Variants in MLLT3 observed in about 807,000 individuals in gnomAD.
MLLT3 encodes the protein MLLT3 super elongation complex subunit.
A neutral mutation model predicts 53.2 loss-of-function variants in MLLT3; 4 were observed. The observed-to-expected ratio is 0.08, with a 90% CI of 0.04 to 0.17. The LOEUF is 0.17. Ranked by LOEUF, MLLT3 falls within the 10% of genes least tolerant of loss-of-function variation. The probability of loss-of-function intolerance (pLI) is 1.00; values close to 1 mark genes in which losing one functional copy is unlikely to be tolerated. For missense variants in MLLT3, 569 were observed against 684.0 expected (o/e 0.83, Z 1.87); for synonymous variants, 283 against 230.6 (o/e 1.23, Z -2.06).
At chr9:20,498,384 C>T (rs1427493733) in intron 2 of MLLT3, among the ~76,000 whole-genome samples, 1 of 151,310 alleles carries the variant, frequency 6.6e-6, no homozygotes, top group Non-Finnish European at 1.5e-5. Context: ...TTCCTAATCA[C>T]TTATGATGTC....
rs1324869758 is a variant in MLLT3 at position 20,344,727 on chromosome 9, T to C, written c.*1716A>G. ...AAAGAAACAGTGTAAAAAATCCCCT[T>C]TTTAAAATGCAGAAATAACTCCATT... On this transcript the variant is annotated 3_prime_UTR_variant, in exon 11 of 11. Transcript: ENST00000380338. 4.9e-6 allele frequency: 1 copy of C among 205,916 alleles called. No individual in the cohort carries two copies. The highest frequency in any genetic ancestry group is 9.9e-6 in the Non-Finnish European group (1 of 100,728). The allele number at this position is 205,916 out of a possible 1,614,324, so 12.8% of individuals were successfully genotyped here.
At chr9:20,393,139 G>C (rs561068581) in intron 5 of MLLT3, among the ~76,000 whole-genome samples, 60 of 152,046 alleles carry the variant, frequency 3.9e-4, no homozygotes, top group African/African-American at 1.4e-3. Flanking sequence ...TGGGCAACAA[G>C]AGCAAAACTC....
intron 2 of MLLT3, among the ~76,000 whole-genome samples, chr9:20,501,178 C>A (rs371380365): frequency 2.0e-5 from 3 of 152,144 alleles, no homozygotes; most frequent in East Asian, 3.9e-4. Flanking sequence ...TGTCACAAAT[C>A]TTTATTCAAA....
intron 2 of MLLT3, among the ~76,000 whole-genome samples, chr9:20,497,799 C>G (rs1799322977): frequency 6.6e-6 from 1 of 152,090 alleles, no homozygotes; most frequent in Admixed American, 6.5e-5. Context: ...TGGATATATA[C>G]TTTCAATTCT....
intron 2 of MLLT3, among the ~76,000 whole-genome samples, chr9:20,521,747 A>G (rs1204435809): frequency 1.3e-5 from 2 of 152,206 alleles, no homozygotes; most frequent in African/African-American, 2.4e-5. Flanking sequence ...ATAGGTATTG[A>G]ATCCTGGATT....
At chr9:20,549,742 A>G (rs1189162756) in intron 2 of MLLT3, among the ~76,000 whole-genome samples, 1 of 152,172 alleles carries the variant, frequency 6.6e-6, no homozygotes, top group Non-Finnish European at 1.5e-5. Context: ...ACCACTACCT[A>G]CTCAGACCTT....
intron 2 of MLLT3, among the ~76,000 whole-genome samples, chr9:20,513,516 G>A (rs971882859): frequency 6.6e-6 from 1 of 152,186 alleles, no homozygotes; most frequent in Non-Finnish European, 1.5e-5. Flanking sequence ...GGCCTTTATT[G>A]GGGTCCAGGG....
chr9:20,554,510 G>T (rs550268460), intron 2 of MLLT3, among the ~76,000 whole-genome samples: 1 of 152,102 alleles, frequency 6.6e-6, no homozygotes, highest in African/African-American at 2.4e-5. Flanking sequence ...TGTTACAACA[G>T]TCCATATAAG....
chr9:20,512,295 C>A (rs1289419188), intron 2 of MLLT3, among the ~76,000 whole-genome samples: 1 of 152,182 alleles, frequency 6.6e-6, no homozygotes, highest in Non-Finnish European at 1.5e-5. Context: ...ATGTTTAATA[C>A]AGCAACAGCA....
At chr9:20,401,467 C>G (rs528533711) in intron 5 of MLLT3, among the ~76,000 whole-genome samples, 1 of 152,024 alleles carries the variant, frequency 6.6e-6, no homozygotes, top group African/African-American at 2.4e-5. Flanking sequence ...AATGAGAAAC[C>G]CAGTATGACA....
chr9:20,451,491 G>C (rs370880890), intron 3 of MLLT3, among the ~76,000 whole-genome samples: 9 of 152,160 alleles, frequency 5.9e-5, no homozygotes, highest in Admixed American at 5.2e-4. Context: ...AAGCACCACA[G>C]AAAATGACTC....
chr9:20,528,788 G>C (rs193289156), intron 2 of MLLT3, among the ~76,000 whole-genome samples: 142 of 152,274 alleles, frequency 9.3e-4, no homozygotes, highest in Admixed American at 4.0e-3. Flanking sequence ...CATCTGCAAG[G>C]ATCCTTTTTC....
In MLLT3 at chr9:20,345,709, G is replaced by A; in HGVS notation, c.*734C>T. ...CCTATTTGGTGCATTTTCTACCATG[G>A]TCCAAGATCATTACATGGATACAGC... On this transcript the variant is annotated 3_prime_UTR_variant, in exon 11 of 11. Transcript: ENST00000380338. 4.6e-6 allele frequency: 1 copy of A among 218,080 alleles called. No individual in the cohort carries two copies. The highest frequency in any genetic ancestry group is 6.8e-5 in the East Asian group (1 of 14,732). The allele number at this position is 218,080 out of a possible 1,614,324, so 13.5% of individuals were successfully genotyped here.
In MLLT3 at chr9:20,454,478, T is replaced by C. The variant is rs992030551; in HGVS notation, c.276+2226A>G. Among the ~76,000 whole-genome samples the C allele has an allele frequency of 4.6e-5, 7 of 152,220 alleles. 1 individual carries two copies. The South Asian group carries it at 6.2e-4, about 14-fold the overall frequency. On this transcript the variant is annotated intron_variant, in intron 3 of 10. Transcript: ENST00000380338. ...ACAAGAAAAGAGAGAAGATACTTCA[T>C]TGCATCATTATTTCAAAACTGAAGT...
At chr9:20,585,988 G>A (rs867842749) in intron 2 of MLLT3, among the ~76,000 whole-genome samples, 3 of 152,026 alleles carry the variant, frequency 2.0e-5, no homozygotes, top group East Asian at 1.9e-4. Flanking sequence ...TTTTCCTCAC[G>A]GGCTGCTGAC....
At chr9:20,501,708 G>A (rs566434018) in intron 2 of MLLT3, among the ~76,000 whole-genome samples, 8 of 133,950 alleles carry the variant, frequency 6.0e-5, no homozygotes, top group South Asian at 5.0e-4. Flanking sequence ...CCGAGATTGC[G>A]CCACTGCAGT....
intron 5 of MLLT3, among the ~76,000 whole-genome samples, chr9:20,403,841 A>T (rs1822515542): frequency 1.3e-5 from 2 of 152,184 alleles, no homozygotes; most frequent in South Asian, 4.1e-4. Flanking sequence ...TTTCAGAAAC[A>T]GTGTCTCACT....
chr9:20,515,050 G>A (rs1028284201), intron 2 of MLLT3, among the ~76,000 whole-genome samples: 5 of 148,722 alleles, frequency 3.4e-5, no homozygotes, highest in African/African-American at 9.9e-5. Context: ...GGGTTCAGGC[G>A]ATTCTCCTGC....
intron 2 of MLLT3, among the ~76,000 whole-genome samples, chr9:20,459,901 AC>A (rs1428111386): frequency 6.6e-6 from 1 of 152,208 alleles, no homozygotes; most frequent in African/African-American, 2.4e-5. Flanking sequence ...AACAACAGGA[AC>A]TTTTTACACA....
Sources: gnomAD v4.1 joint callset for allele counts (sites outside exome capture counted in the v4.1 genomes callset) on GRCh38, gnomAD v4.1.1 for gene constraint, MANE v1.5 for transcripts, NCBI Gene and HGNC (gene_info 2026-07-23, HGNC 2026-07-21) for gene names.